Variants in BPHL observed in about 807,000 individuals in gnomAD.
BPHL encodes the protein biphenyl hydrolase like.
In BPHL, 27 loss-of-function variants were observed where a neutral mutation model predicts 31.2. The observed-to-expected ratio is 0.87, with a 90% CI of 0.64 to 1.19. The LOEUF is 1.19. Ranked by LOEUF, BPHL falls within the 50% of genes most tolerant of loss-of-function variation. The pLI, the probability that BPHL is intolerant of heterozygous loss-of-function variation, is 0.00. For missense variants in BPHL, 356 were observed against 375.7 expected (o/e 0.95, Z 0.43); for synonymous variants, 150 against 146.8 (o/e 1.02, Z -0.16).
rs544917142 is a variant in BPHL, at chr6:3,145,839, C to T, written c.788+5330C>T. On this transcript the variant is annotated intron_variant, in intron 6 of 6. Transcript: ENST00000380379. ...TGCTGGTTTGGGTCGAGTGCTGGTT[C>T]AGGTTGGAGTGCTGGTTCCGGCTGG... 1.4e-3 allele frequency among the ~76,000 whole-genome samples: 56 copies of T among 41,456 alleles called. 11 individuals are homozygous for T. The highest frequency in any genetic ancestry group is 5.1e-3 in the African/African-American group (54 of 10,636). 27.2% of individuals were successfully genotyped at this position (41,456 alleles called of 152,430 possible).
rs1554120804 is a variant in BPHL at position 3,137,524 on chromosome 6, C to G, written c.664+31C>G. ...TTACTGGGCTTGAAGGGCTCTCTGC[C>G]TGTTATAGAGGGTGCTCGAGTTCCT... On this transcript the variant is annotated intron_variant, in intron 5 of 6. Transcript: ENST00000380379. 5.0e-6 allele frequency: 8 copies of G among 1,612,972 alleles called. No homozygotes were observed. In the South Asian group the frequency reaches 8.8e-5, roughly 18 times the overall value.
At chr6:3,119,211 C>T in intron 1 of BPHL, 1 of 1,356,760 alleles carries the variant, frequency 7.4e-7, no homozygotes. Flanking sequence ...CCAACGCCCT[C>T]ATTAGTCCAT....
chr6:3,127,881 C>T lies in BPHL; in HGVS notation c.378+473C>T, dbSNP rs557155121. ...TGTCACCCAGGCTGGAGTGCGGTGGCGCAATCTTGGCTCACTGCAACCTCT... is the reference window on the plus strand; with the variant it reads ...TGTCACCCAGGCTGGAGTGCGGTGGTGCAATCTTGGCTCACTGCAACCTCT... On this transcript the variant is annotated intron_variant, in intron 3 of 6. Coordinates refer to ENST00000380379, the MANE Select transcript of BPHL (RefSeq NM_004332.4). Among the ~76,000 whole-genome samples the T allele has an allele frequency of 1.8e-3, 268 of 150,876 alleles. 1 individual carries two copies. The highest frequency in any genetic ancestry group is 6.1e-3 in the African/African-American group (250 of 40,970).
chr6:3,123,085 G>A (rs1216493345), intron 1 of BPHL, among the ~76,000 whole-genome samples: 2 of 152,244 alleles, frequency 1.3e-5, no homozygotes, highest in Non-Finnish European at 2.9e-5. Context: ...TGAGCAAGCC[G>A]CCTAGGGTTT....
chr6:3,145,333 G>A (rs775841693), intron 6 of BPHL, among the ~76,000 whole-genome samples: 1,093 of 51,172 alleles, frequency 0.021, 1 homozygote, highest in African/African-American at 0.044. Flanking sequence ...TCGGGGTGGA[G>A]TGCTGGTTCG....
At position 3,152,661 on chromosome 6, in the gene BPHL, G is replaced by C; in HGVS notation, c.*86G>C. 1 of 1,237,754 alleles carries C rather than the reference G, an allele frequency of 8.1e-7. No individual in the cohort carries two copies. The highest frequency in any genetic ancestry group is 1.5e-5 in the African/African-American group (1 of 65,458). The allele number at this position is 1,237,754 out of a possible 1,614,324, so 76.7% of individuals were successfully genotyped here. A position where few individuals can be genotyped will look rare whatever the true frequency, so the allele number is the denominator to read the frequency against. On this transcript the variant is annotated 3_prime_UTR_variant, in exon 7 of 7. Coordinates refer to ENST00000380379, the MANE Select transcript of BPHL (RefSeq NM_004332.4). Reference sequence around the variant, plus strand: ...TAACATGATGCCTTTGAAACTCTCCGCCTTTGAAACTTTCTACCCCTCCCT... The same window carrying C: ...TAACATGATGCCTTTGAAACTCTCCCCCTTTGAAACTTTCTACCCCTCCCT...
At chr6:3,132,645 A>G (rs1326959348) in intron 4 of BPHL, among the ~76,000 whole-genome samples, 1 of 152,128 alleles carries the variant, frequency 6.6e-6, no homozygotes, top group East Asian at 1.9e-4. Flanking sequence ...AGCCTGGGCA[A>G]CGTAGCAAGA....
At chr6:3,142,694 C>T (rs1309303187) in intron 6 of BPHL, among the ~76,000 whole-genome samples, 1 of 152,132 alleles carries the variant, frequency 6.6e-6, no homozygotes, top group Admixed American at 6.5e-5. Flanking sequence ...CATAGCACAG[C>T]TGCCACTTAT....
At chr6:3,141,267 G>C (rs980008462) in intron 6 of BPHL, among the ~76,000 whole-genome samples, 10 of 152,192 alleles carry the variant, frequency 6.6e-5, no homozygotes, top group Non-Finnish European at 1.5e-4. Context: ...ACATGAGCCT[G>C]TATAACAAAT....
At chr6:3,134,406 TTTTTCTTTCCTTTTTCTTTTTC>T (rs1444933754) in intron 4 of BPHL, among the ~76,000 whole-genome samples, 1 of 152,024 alleles carries the variant, frequency 6.6e-6, no homozygotes, top group African/African-American at 2.4e-5. Context: ...CAGTGTTTTG[TTTTTCTTTCCTTTTTCTTTTTC>T]TTTTCTTTCC....
At position 3,149,764 on chromosome 6, in the gene BPHL, G is replaced by C. The variant is rs1427531545; in HGVS notation, c.789-2724G>C. 6.6e-6 allele frequency among the ~76,000 whole-genome samples: 1 copy of C among 152,102 alleles called. No homozygotes were observed. Among genetic ancestry groups the C allele is most frequent in the Non-Finnish European group, 1.5e-5 (1 of 68,034 alleles). On this transcript the variant is annotated intron_variant, in intron 6 of 6. Transcript: ENST00000380379. This position sits in a 1 kb window ranked among gnomAD's most constrained non-coding sequence, Gnocchi z 4.6. ...TCTGCCTCAGCCTCCCGAGTAGCTG[G>C]GATTATAGGCGCGCATCACCACGCC...
At chr6:3,125,245 A>G (rs1000114830) in intron 2 of BPHL, among the ~76,000 whole-genome samples, 1 of 152,094 alleles carries the variant, frequency 6.6e-6, no homozygotes, top group Admixed American at 6.5e-5. Flanking sequence ...AGATTTCACC[A>G]TGTTGTCCAG....
At chr6:3,151,412 C>T (rs1762520687) in intron 6 of BPHL, among the ~76,000 whole-genome samples, 1 of 152,022 alleles carries the variant, frequency 6.6e-6, no homozygotes, top group African/African-American at 2.4e-5. Context: ...GGAAAGGTCC[C>T]AACAATATGT....
At chr6:3,151,605 C>T (rs375284315) in intron 6 of BPHL, among the ~76,000 whole-genome samples, 2 of 152,174 alleles carry the variant, frequency 1.3e-5, no homozygotes, top group African/African-American at 4.8e-5. Flanking sequence ...AACATGATAA[C>T]GCATTCTGCC....
chr6:3,121,890 G>A (rs910744531), intron 1 of BPHL, among the ~76,000 whole-genome samples: 1 of 152,106 alleles, frequency 6.6e-6, no homozygotes, highest in African/African-American at 2.4e-5. Flanking sequence ...CTTGAGACTG[G>A]CAAATAAGAT....
intron 4 of BPHL, among the ~76,000 whole-genome samples, chr6:3,135,441 C>A (rs1290474575): frequency 3.3e-5 from 5 of 152,202 alleles, no homozygotes; most frequent in Non-Finnish European, 5.9e-5. Flanking sequence ...TTTCTCCTTA[C>A]CTTTGATATA....
Position 3,152,632 on chromosome 6 carries a change from C to T in BPHL, c.*57C>T. The T allele has an allele frequency of 6.8e-7, 1 of 1,480,594 alleles. No homozygotes were observed. Among genetic ancestry groups the T allele is most frequent in the South Asian group, 1.2e-5 (1 of 85,184 alleles). The allele number at this position is 1,480,594 out of a possible 1,614,324, so 91.7% of individuals were successfully genotyped here. ...GTGTGGGGCTTGATCGTGTTGCTGC[C>T]TGTTAACATGATGCCTTTGAAACTC... On this transcript the variant is annotated 3_prime_UTR_variant, in exon 7 of 7. Transcript: ENST00000380379.
intron 5 of BPHL, chr6:3,138,322 A>G (rs565760253): frequency 2.4e-3 from 386 of 163,350 alleles, no homozygotes; most frequent in African/African-American, 8.8e-3. Context: ...CCAGCCTCCT[A>G]TTCTTTATCT....
intron 6 of BPHL, among the ~76,000 whole-genome samples, chr6:3,144,322 C>T (rs1392639249): frequency 6.6e-6 from 1 of 151,948 alleles, no homozygotes; most frequent in East Asian, 1.9e-4. Context: ...CCGCCTCGGC[C>T]TCCCAAAGTG....
Sources: allele counts gnomAD v4.1 joint callset (sites outside exome capture counted in the v4.1 genomes callset), GRCh38; gene constraint gnomAD v4.1.1; non-coding constraint Gnocchi (gnomAD v3.1); transcripts MANE v1.5; gene names NCBI Gene and HGNC (gene_info 2026-07-23, HGNC 2026-07-21).